POU2F2: variants seen among roughly 807,000 people sequenced by gnomAD.
POU2F2 encodes the protein POU domain, class 2, transcription factor 2.
Under a neutral mutation model 63.5 loss-of-function variants are expected in POU2F2, and 14 were observed. The ratio of observed to expected loss-of-function variants is 0.22; its 90% CI spans 0.15 to 0.34. The LOEUF is 0.34. Among genes scored for constraint, POU2F2 ranks in the 10% least tolerant of loss-of-function variants. The pLI is 1.00. For synonymous variants in POU2F2, 306 were observed against 348.6 expected (o/e 0.88, Z 1.36); for missense variants, 607 against 815.2 (o/e 0.74, Z 3.11).
At chr19:42,196,358 GT>G (rs1224268918) in intron 1 of POU2F2, 6 of 152,232 alleles carry the variant, frequency 3.9e-5, no homozygotes, top group African/African-American at 1.4e-4. Context: ...CCTCGAATGG[GT>G]GGTGGCGGCA....
chr19:42,086,870 CA>C lies in POU2F2; in HGVS notation c.*4386del, dbSNP rs2076564132. 6.6e-6 allele frequency: 1 copy of C among 152,282 alleles called. No homozygotes were observed. The highest frequency in any genetic ancestry group is 1.9e-4 in the East Asian group (1 of 5,184). The allele number at this position is 152,282 out of a possible 1,614,324, so 9.4% of individuals were successfully genotyped here. A position where few individuals can be genotyped will look rare whatever the true frequency, so the allele number is the denominator to read the frequency against. On this transcript the variant is annotated 3_prime_UTR_variant, in exon 15 of 15. Transcript: ENST00000692977. The stretch of plus-strand genomic sequence containing the variant: ...ACATAGTAAATAGTTGTCTCCATCC[CA>C]GCAACACTTCTCTCTGGATTTTTCT...
upstream of POU2F2, among the ~76,000 whole-genome samples, chr19:42,136,392 C>G (rs2146748789): frequency 6.6e-6 from 1 of 151,798 alleles, no homozygotes; most frequent in Non-Finnish European, 1.5e-5. Flanking sequence ...GCCATGTTGC[C>G]CAGGCTGGTC....
At chr19:42,119,402 C>T (rs982233084) in intron 4 of POU2F2, among the ~76,000 whole-genome samples, 1 of 152,108 alleles carries the variant, frequency 6.6e-6, no homozygotes, top group Admixed American at 6.5e-5. Flanking sequence ...AGGCTGAGCG[C>T]GGTGGCTCGC....
chr19:42,097,589 C>T (rs1458744182), intron 7 of POU2F2, among the ~76,000 whole-genome samples: 1 of 151,456 alleles, frequency 6.6e-6, no homozygotes, highest in Non-Finnish European at 1.5e-5. Flanking sequence ...GTGGGAGGAT[C>T]GCTTGAGCAC....
chr19:42,169,488 G>A lies in POU2F2; in HGVS notation c.-70+6475C>T, dbSNP rs1287465942. On this transcript the variant is annotated intron_variant, in intron 1 of 6. Transcript: ENST00000524801. This position sits in a 1 kb window ranked among gnomAD's most constrained non-coding sequence, Gnocchi z 4.3. ...GTGTGTCCATTTTGGCATCTCTGTG[G>A]ACAAATATACAAACGTCTATGTGCA... Among the ~76,000 whole-genome samples, 1 of 152,114 alleles carries A rather than the reference G, an allele frequency of 6.6e-6. No homozygotes were observed. The highest frequency in any genetic ancestry group is 1.5e-5 in the Non-Finnish European group (1 of 68,030).
chr19:42,100,161 G>A (rs1263923759), intron 5 of POU2F2, among the ~76,000 whole-genome samples: 2 of 127,732 alleles, frequency 1.6e-5, no homozygotes, highest in African/African-American at 6.1e-5. Context: ...GTGTGATCTC[G>A]GCTCACTGAA....
intron 11 of POU2F2, among the ~76,000 whole-genome samples, chr19:42,094,480 T>C (rs1365272992): frequency 2.6e-5 from 4 of 152,172 alleles, no homozygotes; most frequent in Non-Finnish European, 5.9e-5. Flanking sequence ...CCTCACTAAA[T>C]GTGACTCTCT....
chr19:42,126,210 C>T (rs926664340), intron 1 of POU2F2, among the ~76,000 whole-genome samples: 3 of 151,934 alleles, frequency 2.0e-5, no homozygotes, highest in Non-Finnish European at 4.4e-5. Flanking sequence ...TTTGGGAGGC[C>T]GAGGTGGGCA....
chr19:42,121,434 G>A (rs921064076), intron 4 of POU2F2, among the ~76,000 whole-genome samples: 2 of 152,108 alleles, frequency 1.3e-5, no homozygotes, highest in Non-Finnish European at 2.9e-5. Context: ...CCAGAGAGGG[G>A]AAGTGACTTT....
chr19:42,128,368 A>G (rs1043830238), intron 1 of POU2F2, among the ~76,000 whole-genome samples: 2 of 152,182 alleles, frequency 1.3e-5, no homozygotes, highest in African/African-American at 4.8e-5. Flanking sequence ...GAAAGACAAG[A>G]GTGGTTTGAG....
rs1272112503 is a variant in POU2F2 at position 42,131,585 on chromosome 19, A to G, written c.28+799T>C. The stretch of plus-strand genomic sequence containing the variant: ...CATACAGACATATACACATTCTACT[A>G]AATGAGCCAACAGCTATAAATCACC... On this transcript the variant is annotated intron_variant, in intron 1 of 14. Transcript: ENST00000692977. Among the ~76,000 whole-genome samples, 7 of 152,354 alleles carry G rather than the reference A, an allele frequency of 4.6e-5. 1 individual carries two copies. Among genetic ancestry groups the G allele is most frequent in the Admixed American group, 4.6e-4 (7 of 15,306 alleles).
In POU2F2 at chr19:42,162,006, G is replaced by T. The variant is rs1282957115; in HGVS notation, c.-69-1614C>A. 2.0e-5 allele frequency among the ~76,000 whole-genome samples: 3 copies of T among 152,206 alleles called. No homozygotes were observed. The highest frequency in any genetic ancestry group is 2.9e-5 in the Non-Finnish European group (2 of 68,022). On this transcript the variant is annotated intron_variant, in intron 1 of 6. Transcript: ENST00000524801. This position sits in a 1 kb window ranked among gnomAD's most constrained non-coding sequence, Gnocchi z 4.1. The stretch of plus-strand genomic sequence containing the variant: ...ATTCCCAGTCAAAACAATTAGCCGC[G>T]CTGAGTGTTGAACACGGTGGCGACA...
At chr19:42,093,006 TA>T (rs373859159) in intron 12 of POU2F2, among the ~76,000 whole-genome samples, 21,431 of 91,418 alleles carry the variant, frequency 0.23, 2,812 homozygotes, top group East Asian at 0.39. Flanking sequence ...TATATATATA[TA>T]TATTTTTTTT....
In POU2F2 at chr19:42,156,418, A is replaced by T. The variant is rs2034457328; in HGVS notation, c.-9+3914T>A. 6.5e-6 allele frequency: 1 copy of T among 152,714 alleles called. No individual in the cohort carries two copies. Among genetic ancestry groups the T allele is most frequent in the Non-Finnish European group, 1.5e-5 (1 of 68,164 alleles). 9.5% of individuals were successfully genotyped at this position (152,714 alleles called of 1,614,324 possible). A position where few individuals can be genotyped will look rare whatever the true frequency, so the allele number is the denominator to read the frequency against. On this transcript the variant is annotated intron_variant, in intron 2 of 6. Coordinates refer to the POU2F2 transcript ENST00000524801. This position sits in a 1 kb window ranked among gnomAD's most constrained non-coding sequence, Gnocchi z 4.1. ...CCCAGAATGCTAAACAGACCCTCACATCTGGACTCCACATCCAGCGAGGAG... is the reference window on the plus strand; with the variant it reads ...CCCAGAATGCTAAACAGACCCTCACTTCTGGACTCCACATCCAGCGAGGAG...
upstream of POU2F2, among the ~76,000 whole-genome samples, chr19:42,178,494 C>T (rs2146812123): frequency 6.6e-6 from 1 of 152,134 alleles, no homozygotes; most frequent in Non-Finnish European, 1.5e-5. Context: ...GGCAGACACA[C>T]ACAGAGGTAA....
At chr19:42,170,537 A>T (rs947503785) in intron 1 of POU2F2, among the ~76,000 whole-genome samples, 1 of 152,236 alleles carries the variant, frequency 6.6e-6, no homozygotes, top group Admixed American at 6.5e-5. Context: ...GCAGAGTCCA[A>T]CAAGAAAGGT....
intron 1 of POU2F2, among the ~76,000 whole-genome samples, chr19:42,181,398 G>C (rs144064399): frequency 6.6e-6 from 1 of 152,184 alleles, no homozygotes; most frequent in Non-Finnish European, 1.5e-5. Flanking sequence ...TCTGGGTACA[G>C]GTGTGCATGT....
intron 1 of POU2F2, among the ~76,000 whole-genome samples, chr19:42,195,035 G>A (rs1192486129): frequency 3.8e-5 from 3 of 78,440 alleles, no homozygotes; most frequent in South Asian, 6.5e-4. Context: ...GGAACGAAGG[G>A]AGGGAGGGAG....
chr19:42,162,775 C>T lies in POU2F2; in HGVS notation c.-69-2383G>A, dbSNP rs529217267. On this transcript the variant is annotated intron_variant, in intron 1 of 6. Coordinates refer to the POU2F2 transcript ENST00000524801. The surrounding 1 kb of genome is among the most constrained non-coding windows in gnomAD (Gnocchi z 4.1). ...AAGCATTGCCCAGCACAGGGAATGA[C>T]CCCAAGCCAGGGCTTGGGACAGGCC... is the stretch of plus-strand genomic sequence containing the variant. 6.6e-6 allele frequency among the ~76,000 whole-genome samples: 1 copy of T among 152,264 alleles called. No homozygotes were observed. The highest frequency in any genetic ancestry group is 6.5e-5 in the Admixed American group (1 of 15,306).
Sources: allele counts gnomAD v4.1 joint callset (sites outside exome capture counted in the v4.1 genomes callset), GRCh38; gene constraint gnomAD v4.1.1; non-coding constraint Gnocchi (gnomAD v3.1); transcripts MANE v1.5; gene names NCBI Gene and HGNC (gene_info 2026-07-23, HGNC 2026-07-21).